INO80D: variants seen among roughly 807,000 people sequenced by gnomAD.
The protein encoded by INO80D is INO80 complex subunit D.
Under a neutral mutation model 87.6 loss-of-function variants are expected in INO80D, and 21 were observed. The ratio of observed to expected loss-of-function variants is 0.24; its 90% CI spans 0.17 to 0.35. The LOEUF (loss-of-function observed/expected upper bound fraction) is 0.35. INO80D is among the 10% of genes least tolerant of loss of function. The probability of loss-of-function intolerance (pLI) is 1.00; values close to 1 mark genes in which losing one functional copy is unlikely to be tolerated. For missense variants in INO80D, 982 were observed against 1,280.7 expected, an observed-to-expected ratio of 0.77 and a Z score of 3.56; for synonymous variants, 440 against 491.0, an observed-to-expected ratio of 0.90 and a Z score of 1.37.
At chr2:206,030,081 G>A (rs954887495) in intron 5 of INO80D, among the ~76,000 whole-genome samples, 7 of 152,148 alleles carry the variant, frequency 4.6e-5, no homozygotes, top group African/African-American at 1.7e-4. Flanking sequence ...AGTTCTCGTA[G>A]AGCTAGCAAA....
rs1266383255 is a variant in INO80D at position 206,002,428 on chromosome 2, C to A, written c.*1940G>T. 1.3e-5 allele frequency: 2 copies of A among 151,974 alleles called. No homozygotes were observed. Among genetic ancestry groups the A allele is most frequent in the Non-Finnish European group, 2.9e-5 (2 of 67,996 alleles). 9.4% of individuals were successfully genotyped at this position (151,974 alleles called of 1,614,324 possible). A position where few individuals can be genotyped will look rare whatever the true frequency, so the allele number is the denominator to read the frequency against. ...GAAATTTTGCACTCTGCAAAAAAGG[C>A]AAAGCTATTAAAAATAAATCTTCCA... On this transcript the variant is annotated 3_prime_UTR_variant, in exon 11 of 11. Coordinates refer to ENST00000403263, the MANE Select transcript of INO80D (RefSeq NM_017759.5).
At chr2:206,059,436 G>A (rs1689625448) in intron 3 of INO80D, among the ~76,000 whole-genome samples, 1 of 152,100 alleles carries the variant, frequency 6.6e-6, no homozygotes, top group Admixed American at 6.6e-5. Context: ...TAGCATATAG[G>A]TGATAGCTCC....
chr2:206,065,101 A>T (rs1689779143), intron 1 of INO80D, among the ~76,000 whole-genome samples: 1 of 152,240 alleles, frequency 6.6e-6, no homozygotes, highest in Admixed American at 6.5e-5. Flanking sequence ...ACCTAATTGT[A>T]AGACTTGAAA....
chr2:206,017,450 A>G (rs765267924), intron 8 of INO80D, among the ~76,000 whole-genome samples: 2 of 152,224 alleles, frequency 1.3e-5, no homozygotes, highest in Non-Finnish European at 2.9e-5. Flanking sequence ...GTAGAATTGT[A>G]TATAAGAAAG....
chr2:206,051,444 T>C (rs2045075109), intron 4 of INO80D, among the ~76,000 whole-genome samples: 1 of 151,852 alleles, frequency 6.6e-6, no homozygotes, highest in African/African-American at 2.4e-5. Context: ...AAATATAATA[T>C]ACATATAAAA....
At chr2:206,050,980 C>T (rs1689350135) in intron 4 of INO80D, among the ~76,000 whole-genome samples, 1 of 144,896 alleles carries the variant, frequency 6.9e-6, no homozygotes, top group African/African-American at 2.4e-5. Context: ...ACAACAACAA[C>T]AAAAATTTCT....
intron 1 of INO80D, among the ~76,000 whole-genome samples, chr2:206,077,330 ACT>A (rs1439184382): frequency 6.6e-6 from 1 of 150,402 alleles, no homozygotes; most frequent in African/African-American, 2.5e-5. Flanking sequence ...ACACAGCGAG[ACT>A]CTGTCTCAAA....
At position 206,019,820 on chromosome 2, in the gene INO80D, C is replaced by A; in HGVS notation, c.1324G>T (p.Val442Leu). ...TSISRTKLRE[V>L]EPAACSGTVK... ...GTTCCACTGCATGCTGCTGGTTCCA[C>A]CTCCCTCAGCTTGGTCCGGCTTATG... The change falls in exon 7 of 11, where the codon GTG (valine) becomes TTG (leucine). Residue 442 changes from valine (V) to leucine (L), a missense_variant. Coordinates refer to ENST00000403263, the MANE Select transcript of INO80D (RefSeq NM_017759.5). 9 of 1,613,858 alleles carry A rather than the reference C, an allele frequency of 5.6e-6. No homozygotes were observed. The highest frequency in any genetic ancestry group is 7.6e-6 in the Non-Finnish European group (9 of 1,179,830).
At chr2:206,050,793 C>G (rs1034934997) in intron 4 of INO80D, among the ~76,000 whole-genome samples, 3 of 151,800 alleles carry the variant, frequency 2.0e-5, no homozygotes, top group African/African-American at 7.3e-5. Context: ...ACGGTGAAAC[C>G]CCCGTCTCTA....
rs11893623 is a variant in INO80D, at chr2:206,085,163, G to A, written c.-124+738C>T. On this transcript the variant is annotated intron_variant, in intron 1 of 10. Coordinates refer to ENST00000403263, the MANE Select transcript of INO80D (RefSeq NM_017759.5). The surrounding 1 kb of genome is among the most constrained non-coding windows in gnomAD (Gnocchi z 4.5). ...CTCCCCGGAGAGACAGCGGCCCCCA[G>A]TTCGGGCCTAAAAGGAAACTTTCTG... 0.66 allele frequency among the ~76,000 whole-genome samples: 99,779 copies of A among 151,902 alleles called. 33,470 individuals carry two copies. Among genetic ancestry groups the A allele is most frequent in the African/African-American group, 0.77 (32,080 of 41,496 alleles).
chr2:206,011,935 G>GT (rs1288481869), intron 8 of INO80D, among the ~76,000 whole-genome samples: 1 of 152,204 alleles, frequency 6.6e-6, no homozygotes, highest in Non-Finnish European at 1.5e-5. Context: ...TAACAGGCAG[G>GT]TGGAAGACTT....
intron 5 of INO80D, among the ~76,000 whole-genome samples, chr2:206,029,078 C>T (rs1411412523): frequency 6.6e-6 from 1 of 151,828 alleles, no homozygotes; most frequent in African/African-American, 2.4e-5. Flanking sequence ...TTAATAGAGA[C>T]GGGGTTTCAC....
intron 1 of INO80D, among the ~76,000 whole-genome samples, chr2:206,068,632 T>A (rs1456248151): frequency 6.6e-6 from 1 of 152,200 alleles, no homozygotes; most frequent in East Asian, 1.9e-4. Context: ...TGATCCCTTT[T>A]AGATGCAACT....
At position 205,997,869 on chromosome 2, in the gene INO80D, G is replaced by A. The variant is rs943667791; in HGVS notation, c.*6499C>T. The stretch of plus-strand genomic sequence containing the variant: ...TAAATCATGTTTCTACAATACATTC[G>A]GTTACCTTTATCTATTTTTATATAA... On this transcript the variant is annotated 3_prime_UTR_variant, in exon 11 of 11. Transcript: ENST00000403263. 5 of 151,924 alleles carry A rather than the reference G, an allele frequency of 3.3e-5. No homozygotes were observed. Among genetic ancestry groups the A allele is most frequent in the Admixed American group, 2.0e-4 (3 of 15,254 alleles). 9.4% of individuals were successfully genotyped at this position (151,924 alleles called of 1,614,324 possible). A position where few individuals can be genotyped will look rare whatever the true frequency, so the allele number is the denominator to read the frequency against.
intron 6 of INO80D, among the ~76,000 whole-genome samples, chr2:206,023,756 T>C (rs1248634226): frequency 6.6e-6 from 1 of 151,706 alleles, no homozygotes; most frequent in Non-Finnish European, 1.5e-5. Flanking sequence ...TTATCAGCGA[T>C]GCACTGGGCC....
At chr2:206,044,586 A>G (rs1278682544) in intron 5 of INO80D, among the ~76,000 whole-genome samples, 1 of 152,142 alleles carries the variant, frequency 6.6e-6, no homozygotes, top group Non-Finnish European at 1.5e-5. Flanking sequence ...AGTGGCCAAG[A>G]AAGTAACATG....
chr2:206,046,902 T>A (rs971487976), intron 4 of INO80D, among the ~76,000 whole-genome samples: 1 of 152,028 alleles, frequency 6.6e-6, no homozygotes, highest in African/African-American at 2.4e-5. Context: ...TGTCTCGGCC[T>A]CCCGAGTAGC....
At chr2:206,052,079 G>A (rs1484025643) in intron 4 of INO80D, among the ~76,000 whole-genome samples, 1 of 152,234 alleles carries the variant, frequency 6.6e-6, no homozygotes, top group Non-Finnish European at 1.5e-5. Context: ...TTCTGTGTGA[G>A]TAAATGTGAA....
intron 5 of INO80D, among the ~76,000 whole-genome samples, chr2:206,043,550 C>A (rs888872740): frequency 6.6e-6 from 1 of 151,746 alleles, no homozygotes. Flanking sequence ...TGCAGTGGCA[C>A]GATCTCGGCT....
Sources: allele counts gnomAD v4.1 joint callset (sites outside exome capture counted in the v4.1 genomes callset), GRCh38; gene constraint gnomAD v4.1.1; non-coding constraint Gnocchi (gnomAD v3.1); transcripts MANE v1.5; gene names NCBI Gene and HGNC (gene_info 2026-07-23, HGNC 2026-07-21).